KCNMA1: variants seen among roughly 807,000 people sequenced by gnomAD.
KCNMA1 encodes potassium calcium-activated channel subfamily M alpha 1, also known as Calcium-activated potassium channel subunit alpha-1.
KCNMA1 carries 29 observed loss-of-function variants against 140.0 expected under a neutral mutation model. The ratio of observed to expected loss-of-function variants is 0.21; its 90% confidence interval spans 0.15 to 0.28. The LOEUF (loss-of-function observed/expected upper bound fraction) is 0.28, where lower values mean the gene tolerates loss of function less well. Ranked by LOEUF, KCNMA1 falls within the 10% of genes least tolerant of loss-of-function variation. KCNMA1 has a pLI of 1.00. For missense variants in KCNMA1, 880 were observed against 1,602.2 expected, an observed-to-expected ratio of 0.55 and a Z score of 7.70; for synonymous variants, 612 against 611.9, an observed-to-expected ratio of 1.00 and a Z score of 0.00.
At chr10:77,596,634 C>T (rs1210490854) in intron 1 of KCNMA1, among the ~76,000 whole-genome samples, 1 of 152,186 alleles carries the variant, frequency 6.6e-6, no homozygotes, top group Non-Finnish European at 1.5e-5. Context: ...TAAGATGCTA[C>T]GGGAGCACAA....
chr10:76,949,482 T>C, intron 21 of KCNMA1, 116 bp from the exon 22 acceptor site: 2 of 844,094 alleles, frequency 2.4e-6, no homozygotes, highest in Non-Finnish European at 3.9e-6. Flanking sequence ...GAGCTTACTA[T>C]GTGCTATTAT....
intron 1 of KCNMA1, among the ~76,000 whole-genome samples, chr10:77,625,657 A>T (rs1039411976): frequency 6.6e-6 from 1 of 152,170 alleles, no homozygotes; most frequent in Non-Finnish European, 1.5e-5. Context: ...ATGTTCATCT[A>T]TGTGGTAGCA....
intron 3 of KCNMA1, among the ~76,000 whole-genome samples, chr10:77,187,728 A>G (rs1295114806): frequency 6.6e-6 from 1 of 152,084 alleles, no homozygotes; most frequent in Non-Finnish European, 1.5e-5. Flanking sequence ...TGTACTTTCT[A>G]TCCCTTTTAG....
intron 1 of KCNMA1, among the ~76,000 whole-genome samples, chr10:77,609,376 T>C (rs1603638411): frequency 6.6e-6 from 1 of 152,312 alleles, no homozygotes; most frequent in East Asian, 1.9e-4. Flanking sequence ...ATCTAATTTA[T>C]ATGTGGACTC....
At chr10:76,995,866 T>A (rs118128750) in intron 19 of KCNMA1, among the ~76,000 whole-genome samples, 1 of 152,202 alleles carries the variant, frequency 6.6e-6, no homozygotes, top group South Asian at 2.1e-4. Flanking sequence ...AGGTGTCCCA[T>A]GATGGGGTAT....
intron 5 of KCNMA1, among the ~76,000 whole-genome samples, chr10:77,129,169 T>A (rs549678996): frequency 1.3e-5 from 2 of 152,266 alleles, no homozygotes; most frequent in African/African-American, 4.8e-5. Flanking sequence ...AACCTTTAAT[T>A]TGTTAATCTG....
At chr10:77,254,977 C>T (rs948474383) in intron 2 of KCNMA1, among the ~76,000 whole-genome samples, 1 of 152,184 alleles carries the variant, frequency 6.6e-6, no homozygotes, top group South Asian at 2.1e-4. Context: ...CAGTGTGATA[C>T]ACAGATAATT....
chr10:77,186,364 A>AG (rs1354623582), intron 3 of KCNMA1, among the ~76,000 whole-genome samples: 1 of 143,126 alleles, frequency 7.0e-6, no homozygotes, highest in Non-Finnish European at 1.6e-5. Flanking sequence ...AACAGTTCAA[A>AG]AAAAAACAAA....
At chr10:77,072,323 T>C (rs1263057163) in intron 14 of KCNMA1, among the ~76,000 whole-genome samples, 1 of 152,214 alleles carries the variant, frequency 6.6e-6, no homozygotes, top group Non-Finnish European at 1.5e-5. Flanking sequence ...GGAGTGACTG[T>C]TATCCCAGGC....
chr10:77,295,915 T>C (rs551312268), intron 2 of KCNMA1, among the ~76,000 whole-genome samples: 1 of 145,082 alleles, frequency 6.9e-6, no homozygotes, highest in East Asian at 1.9e-4. Context: ...CTTTTTTTTA[T>C]TTTTACAAGT....
chr10:76,885,160 T>C lies in KCNMA1; in HGVS notation c.*2106A>G, dbSNP rs1185500544. 1.5e-6 allele frequency: 2 copies of C among 1,318,122 alleles called. No individual in the cohort carries two copies. The highest frequency in any genetic ancestry group is 3.1e-5 in the East Asian group (1 of 32,256). 81.7% of individuals were successfully genotyped at this position (1,318,122 alleles called of 1,614,324 possible). ...TATAACCTCCTTTGCAAAGAATGCA[T>C]GAAGAGCTCTTCATGATCCAATACT... On this transcript the variant is annotated 3_prime_UTR_variant, in exon 28 of 28. Transcript: ENST00000286628.
At chr10:76,958,539 G>A (rs553579456) in intron 20 of KCNMA1, among the ~76,000 whole-genome samples, 1 of 152,174 alleles carries the variant, frequency 6.6e-6, no homozygotes, top group Admixed American at 6.5e-5. Flanking sequence ...ACCTCAGAAT[G>A]TGACTGTATT....
intron 1 of KCNMA1, among the ~76,000 whole-genome samples, chr10:77,405,652 A>C (rs1164365463): frequency 6.6e-6 from 1 of 152,262 alleles, no homozygotes; most frequent in African/African-American, 2.4e-5. Flanking sequence ...TACCCACTGC[A>C]ACTATGACTG....
chr10:77,153,849 T>C (rs2098452799), intron 5 of KCNMA1, among the ~76,000 whole-genome samples: 1 of 152,208 alleles, frequency 6.6e-6, no homozygotes, highest in African/African-American at 2.4e-5. Context: ...GTCCTGCTTC[T>C]CTCAGAGGCA....
At chr10:77,034,798 C>T (rs1157816656) in intron 15 of KCNMA1, among the ~76,000 whole-genome samples, 1 of 152,228 alleles carries the variant, frequency 6.6e-6, no homozygotes, top group East Asian at 1.9e-4. Context: ...GAGAGAGACA[C>T]ATACCATATT....
intron 15 of KCNMA1, among the ~76,000 whole-genome samples, chr10:77,032,199 C>T (rs2093985391): frequency 6.6e-6 from 1 of 152,170 alleles, no homozygotes; most frequent in Non-Finnish European, 1.5e-5. Flanking sequence ...GTACCCCTTA[C>T]ACTCCCAAGA....
intron 20 of KCNMA1, among the ~76,000 whole-genome samples, 179 bp from the exon 21 acceptor site, chr10:76,954,103 C>T (rs2067257397): frequency 6.6e-6 from 1 of 152,144 alleles, no homozygotes; most frequent in Non-Finnish European, 1.5e-5. Flanking sequence ...AACCACCACC[C>T]CACTTCTGGA....
At chr10:77,237,828 C>T (rs1476612644) in intron 3 of KCNMA1, among the ~76,000 whole-genome samples, 1 of 152,142 alleles carries the variant, frequency 6.6e-6, no homozygotes. Context: ...ACAATTCTGG[C>T]CCAGTGGGCT....
At chr10:77,318,910 A>G (rs2081580456) in intron 2 of KCNMA1, among the ~76,000 whole-genome samples, 2 of 152,128 alleles carry the variant, frequency 1.3e-5, no homozygotes, top group Admixed American at 1.3e-4. Context: ...GGCCCACCCC[A>G]CATCCTCCCC....
Sources: gnomAD v4.1 joint callset for allele counts (sites outside exome capture counted in the v4.1 genomes callset) on GRCh38, gnomAD v4.1.1 for gene constraint, MANE v1.5 for transcripts, NCBI Gene and HGNC (gene_info 2026-07-23, HGNC 2026-07-21) for gene names.